The following LDLRAD4 variants were observed in gnomAD, a reference collection of about 807,000 sequenced individuals.
The protein encoded by LDLRAD4 is low density lipoprotein receptor class A domain containing 4.
A neutral mutation model predicts 17.0 loss-of-function variants in LDLRAD4; 5 were observed. The observed-to-expected ratio is 0.29, with a 90% CI of 0.15 to 0.62. The LOEUF (loss-of-function observed/expected upper bound fraction) is 0.62, where lower values mean the gene tolerates loss of function less well. LDLRAD4 is among the 20% of genes least tolerant of loss of function. The pLI, the probability that LDLRAD4 is intolerant of heterozygous loss-of-function variation, is 0.84. For synonymous variants in LDLRAD4, 168 were observed against 171.8 expected (o/e 0.98, Z 0.17); for missense variants, 340 against 424.7 (o/e 0.80, Z 1.75).
intron 3 of LDLRAD4, among the ~76,000 whole-genome samples, chr18:13,492,719 C>T (rs922442546): frequency 1.2e-4 from 18 of 152,164 alleles, no homozygotes; most frequent in Non-Finnish European, 2.6e-4. Flanking sequence ...ACTCCTGAGT[C>T]ACCTGGGCAG....
At chr18:13,527,035 C>A (rs1450958217) in intron 3 of LDLRAD4, among the ~76,000 whole-genome samples, 1 of 152,220 alleles carries the variant, frequency 6.6e-6, no homozygotes, top group Non-Finnish European at 1.5e-5. Context: ...ATGAAAAGCA[C>A]CCCTGTCATT....
intron 1 of LDLRAD4, among the ~76,000 whole-genome samples, chr18:13,310,183 C>CAA (rs5823247): frequency 0.45 from 62,892 of 138,672 alleles, 17,178 homozygotes; most frequent in Non-Finnish European, 0.61. Context: ...CTGTCTCTAC[C>CAA]AAAAAAAAAA....
intron 1 of LDLRAD4, among the ~76,000 whole-genome samples, chr18:13,257,410 G>A (rs1235722817): frequency 6.6e-6 from 1 of 152,224 alleles, no homozygotes; most frequent in Non-Finnish European, 1.5e-5. Flanking sequence ...TGATGTTTGT[G>A]AGACTTGGGG....
At chr18:13,411,521 GA>G (rs1218877885) in intron 2 of LDLRAD4, among the ~76,000 whole-genome samples, 5 of 152,278 alleles carry the variant, frequency 3.3e-5, no homozygotes, top group African/African-American at 4.8e-5. Context: ...GGAGGTAATT[GA>G]ATCACAGGGA....
At chr18:13,402,370 G>A (rs2087307115) in intron 2 of LDLRAD4, among the ~76,000 whole-genome samples, 1 of 152,080 alleles carries the variant, frequency 6.6e-6, no homozygotes, top group Non-Finnish European at 1.5e-5. Context: ...TAGCGTTAAT[G>A]GTTCCCCAGT....
chr18:13,272,584 A>G (rs1218703585), intron 1 of LDLRAD4, among the ~76,000 whole-genome samples: 2 of 152,218 alleles, frequency 1.3e-5, no homozygotes, highest in Non-Finnish European at 2.9e-5. Flanking sequence ...GTATCACCCC[A>G]TGCCGCGTGC....
chr18:13,507,797 C>G (rs911244531), intron 3 of LDLRAD4, among the ~76,000 whole-genome samples: 3 of 152,296 alleles, frequency 2.0e-5, no homozygotes, highest in Non-Finnish European at 4.4e-5. Context: ...CTCCAAGACA[C>G]AAGAATATTG....
At chr18:13,354,583 G>T (rs188266427) in intron 1 of LDLRAD4, among the ~76,000 whole-genome samples, 3 of 152,272 alleles carry the variant, frequency 2.0e-5, no homozygotes, top group Admixed American at 6.5e-5. Flanking sequence ...TGAAACCAAA[G>T]GGGCCTGAGA....
intron 3 of LDLRAD4, among the ~76,000 whole-genome samples, chr18:13,551,155 G>A (rs895940828): frequency 1.3e-5 from 2 of 152,080 alleles, no homozygotes; most frequent in Non-Finnish European, 2.9e-5. Flanking sequence ...CACCTCCAAC[G>A]GCCACGAGCA....
intron 2 of LDLRAD4, among the ~76,000 whole-genome samples, chr18:13,395,151 G>A (rs2086556203): frequency 6.6e-6 from 1 of 152,040 alleles, no homozygotes; most frequent in African/African-American, 2.4e-5. Flanking sequence ...CCACACTGAG[G>A]TAGAGATAAT....
intron 2 of LDLRAD4, among the ~76,000 whole-genome samples, chr18:13,423,846 A>G (rs150273795): frequency 6.6e-6 from 1 of 152,210 alleles, no homozygotes; most frequent in African/African-American, 2.4e-5. Flanking sequence ...AACATCTTCC[A>G]GTGTTAGGCC....
intron 5 of LDLRAD4, among the ~76,000 whole-genome samples, chr18:13,644,400 CAAAAAAAAA>C (rs5823265): frequency 3.4e-5 from 2 of 58,636 alleles, no homozygotes; most frequent in Non-Finnish European, 8.0e-5. Flanking sequence ...AACCCCATCT[CAAAAAAAAA>C]AAAAAAAAAA....
intron 1 of LDLRAD4, among the ~76,000 whole-genome samples, chr18:13,330,912 A>C (rs1274829330): frequency 6.6e-6 from 1 of 152,224 alleles, no homozygotes; most frequent in Non-Finnish European, 1.5e-5. Context: ...AACCCAAAGG[A>C]CTGGGGTCCA....
chr18:13,568,495 GGAA>G (rs2094638131), intron 3 of LDLRAD4, among the ~76,000 whole-genome samples: 1 of 152,104 alleles, frequency 6.6e-6, no homozygotes, highest in South Asian at 2.1e-4. Context: ...TCTGGACCAT[GGAA>G]GAAGAACTGA....
At chr18:13,503,681 G>T (rs2093647952) in intron 3 of LDLRAD4, among the ~76,000 whole-genome samples, 1 of 152,032 alleles carries the variant, frequency 6.6e-6, no homozygotes, top group Admixed American at 6.5e-5. Context: ...GTGCGTGGAT[G>T]TGGAGCCCCT....
upstream of LDLRAD4, among the ~76,000 whole-genome samples, chr18:13,273,530 T>G (rs12326637): frequency 0.034 from 5,187 of 152,234 alleles, 292 homozygotes; most frequent in African/African-American, 0.12. Flanking sequence ...GAACTTAAGC[T>G]ATCCTCCCAC....
intron 3 of LDLRAD4, among the ~76,000 whole-genome samples, chr18:13,576,059 T>C (rs2094765187): frequency 1.3e-5 from 2 of 152,258 alleles, no homozygotes; most frequent in Non-Finnish European, 2.9e-5. Flanking sequence ...CCTTTTGCTG[T>C]GCAGAAGTTT....
intron 5 of LDLRAD4, 146 bp from the exon 7 acceptor site, chr18:13,644,981 T>G: frequency 1.1e-5 from 7 of 649,052 alleles, no homozygotes; most frequent in South Asian, 2.0e-5. Context: ...TGGAATTGGA[T>G]TTTCCTGTTT....
Position 13,621,154 on chromosome 18 carries a change from G to A in LDLRAD4, c.219G>A (p.Val73=), listed in dbSNP as rs768296990. The A allele has an allele frequency of 3.2e-5, 51 of 1,614,066 alleles. No homozygotes were observed. In the South Asian group the frequency reaches 5.3e-4, roughly 17 times the overall value. ...TCGCCCAAATCATCATCATCGTCGT[G>A]GTGGTCACGGTGATGGTGGTGGTCA... Residue 73 remains valine (V), a synonymous_variant, in exon 4 of 6, where the codon GTG becomes GTA. Coordinates refer to ENST00000359446, the Ensembl canonical transcript of LDLRAD4. This position sits in a 1 kb window ranked among gnomAD's most constrained non-coding sequence, Gnocchi z 5.5.
Sources: gnomAD v4.1 joint callset for allele counts (sites outside exome capture counted in the v4.1 genomes callset) on GRCh38, gnomAD v4.1.1 for gene constraint, Gnocchi (gnomAD v3.1) non-coding constraint, MANE v1.5 for transcripts, NCBI Gene and HGNC (gene_info 2026-07-23, HGNC 2026-07-21) for gene names.